EXOC2: variants seen among roughly 807,000 people sequenced by gnomAD.
The protein encoded by EXOC2 is SEC5-like 1.
EXOC2 carries 70 observed loss-of-function variants against 131.8 expected under a neutral mutation model. The observed-to-expected ratio is 0.53, with a 90% CI of 0.44 to 0.65. The LOEUF (loss-of-function observed/expected upper bound fraction) is 0.65, where lower values mean the gene tolerates loss of function less well. EXOC2 is among the 30% of genes least tolerant of loss of function. The probability of loss-of-function intolerance (pLI) is 0.00; values close to 1 mark genes in which losing one functional copy is unlikely to be tolerated. For missense variants in EXOC2, 923 were observed against 1,108.6 expected (o/e 0.83, Z 2.38); for synonymous variants, 411 against 398.4 (o/e 1.03, Z -0.38).
chr6:691,632 C>G (rs1389213965), intron 1 of EXOC2, among the ~76,000 whole-genome samples: 1 of 152,204 alleles, frequency 6.6e-6, no homozygotes. Context: ...TTCTGGTCAA[C>G]AGTAGGCTAT....
intron 23 of EXOC2, among the ~76,000 whole-genome samples, chr6:523,970 T>C (rs1273075394): frequency 6.6e-6 from 1 of 152,204 alleles, no homozygotes; most frequent in Non-Finnish European, 1.5e-5. Flanking sequence ...GGTGCAGAGC[T>C]GAACTAAGAC....
intron 23 of EXOC2, among the ~76,000 whole-genome samples, chr6:508,173 T>A (rs1414606351): frequency 9.9e-5 from 15 of 152,218 alleles, no homozygotes; most frequent in Admixed American, 9.8e-4. Context: ...ACAGCAAAAC[T>A]GAGCAGAAGG....
intron 1 of EXOC2, among the ~76,000 whole-genome samples, chr6:685,855 G>A (rs1479715566): frequency 1.5e-5 from 2 of 137,402 alleles, no homozygotes; most frequent in African/African-American, 5.3e-5. Context: ...AATGTATCCT[G>A]CTTTCCTGGA....
intron 25 of EXOC2, among the ~76,000 whole-genome samples, chr6:495,404 G>A (rs1016709051): frequency 1.3e-5 from 2 of 151,950 alleles, no homozygotes; most frequent in African/African-American, 4.8e-5. Context: ...GATTACAGGT[G>A]TGAGCCACCG....
rs147645998 is a variant in EXOC2, at chr6:665,326, C to T, written c.-43-27465G>A. On this transcript the variant is annotated intron_variant, in intron 1 of 27. Transcript: ENST00000230449. ...GCGGTGAACAGGGAACACTTCTACA[C>T]TGCTGGTGGGAATGCAAACTAGTAC... 6.2e-3 allele frequency among the ~76,000 whole-genome samples: 903 copies of T among 146,004 alleles called. 8 individuals are homozygous for T. Among genetic ancestry groups the T allele is most frequent in the African/African-American group, 0.021 (832 of 39,466 alleles).
intron 7 of EXOC2, among the ~76,000 whole-genome samples, chr6:603,613 CT>C (rs112842795): frequency 0.013 from 1,907 of 147,500 alleles, 38 homozygotes; most frequent in African/African-American, 0.041. Context: ...CTATCTTCTT[CT>C]TTTTTTTTTT....
intron 17 of EXOC2, among the ~76,000 whole-genome samples, chr6:557,357 C>T (rs753230764): frequency 9.9e-5 from 15 of 152,104 alleles, no homozygotes; most frequent in Non-Finnish European, 1.8e-4. Flanking sequence ...CAGTGGCTCA[C>T]GCCTGTAATC....
chr6:624,341 A>G (rs1290908837), intron 4 of EXOC2, among the ~76,000 whole-genome samples: 10 of 152,216 alleles, frequency 6.6e-5, no homozygotes, highest in African/African-American at 2.4e-4. Flanking sequence ...AATCTCGAGA[A>G]GTTATTCCAT....
At chr6:583,846 CA>C (rs575967021) in intron 11 of EXOC2, among the ~76,000 whole-genome samples, 413 of 152,322 alleles carry the variant, frequency 2.7e-3, no homozygotes, top group African/African-American at 9.3e-3. Context: ...ACACAGGTCA[CA>C]AAGGCACCAC....
intron 4 of EXOC2, among the ~76,000 whole-genome samples, chr6:624,813 C>T (rs562310762): frequency 2.6e-5 from 4 of 152,312 alleles, no homozygotes; most frequent in South Asian, 2.1e-4. Context: ...TAATGAAGCA[C>T]GGAGTAAAAA....
chr6:520,676 C>G (rs183680808), intron 23 of EXOC2, among the ~76,000 whole-genome samples: 1 of 79,084 alleles, frequency 1.3e-5, no homozygotes, highest in Non-Finnish European at 2.3e-5. Flanking sequence ...AAACAACCAC[C>G]CACCGAGCGC....
At chr6:509,635 A>G (rs1279383510) in intron 23 of EXOC2, among the ~76,000 whole-genome samples, 4 of 152,244 alleles carry the variant, frequency 2.6e-5, no homozygotes, top group African/African-American at 9.6e-5. Context: ...GACTGTATAA[A>G]AAGTGTCTGA....
At chr6:683,243 T>C (rs1241862186) in intron 1 of EXOC2, among the ~76,000 whole-genome samples, 1 of 152,036 alleles carries the variant, frequency 6.6e-6, no homozygotes, top group Non-Finnish European at 1.5e-5. Context: ...GACATGAAAA[T>C]AAAGAAGCTA....
At chr6:606,776 C>CAGGA (rs1322554536) in intron 7 of EXOC2, among the ~76,000 whole-genome samples, 2 of 152,238 alleles carry the variant, frequency 1.3e-5, no homozygotes, top group Non-Finnish European at 2.9e-5. Flanking sequence ...GTCTCAAAGA[C>CAGGA]AGGAGGACCT....
chr6:678,140 A>G (rs533398736), intron 1 of EXOC2, among the ~76,000 whole-genome samples: 1 of 152,330 alleles, frequency 6.6e-6, no homozygotes, highest in East Asian at 1.9e-4. Context: ...ATTGACCAAT[A>G]TGGGGTAAAG....
intron 6 of EXOC2, among the ~76,000 whole-genome samples, chr6:611,009 T>C (rs953246554): frequency 6.6e-6 from 1 of 152,192 alleles, no homozygotes; most frequent in African/African-American, 2.4e-5. Flanking sequence ...TTGAATTGTG[T>C]GGTAACAGTG....
intron 23 of EXOC2, among the ~76,000 whole-genome samples, chr6:514,728 G>T (rs930967251): frequency 3.2e-4 from 49 of 152,340 alleles, no homozygotes; most frequent in Non-Finnish European, 1.5e-5. Flanking sequence ...GGACGCAGAG[G>T]CCAGGGGAGG....
chr6:528,733 G>T (rs1482462069), intron 23 of EXOC2, among the ~76,000 whole-genome samples: 4 of 152,018 alleles, frequency 2.6e-5, no homozygotes, highest in African/African-American at 7.2e-5. Flanking sequence ...TCTTAATTTT[G>T]TAGTGAAGAT....
chr6:542,178 C>T (rs1756593431), intron 22 of EXOC2, among the ~76,000 whole-genome samples: 1 of 152,308 alleles, frequency 6.6e-6, no homozygotes, highest in South Asian at 2.1e-4. Flanking sequence ...CTCTGGGATG[C>T]TTTGTTCCTT....
Sources: allele counts gnomAD v4.1 joint callset (sites outside exome capture counted in the v4.1 genomes callset), GRCh38; gene constraint gnomAD v4.1.1; transcripts MANE v1.5; gene names NCBI Gene and HGNC (gene_info 2026-07-23, HGNC 2026-07-21).